Variants in IQSEC1 observed in about 807,000 individuals in gnomAD.
IQSEC1 encodes IQ motif and SEC7 domain-containing protein 1.
IQSEC1 carries 31 observed loss-of-function variants against 91.0 expected under a neutral mutation model. That is an observed-to-expected ratio of 0.34 (90% CI 0.26 to 0.46). The LOEUF is 0.46. Ranked by LOEUF, IQSEC1 falls within the 20% of genes least tolerant of loss-of-function variation. IQSEC1 has a pLI of 1.00. For missense variants in IQSEC1, 1,388 were observed against 1,575.6 expected (o/e 0.88, Z 2.02); for synonymous variants, 699 against 662.6 (o/e 1.05, Z -0.84).
rs373575240 is a variant in IQSEC1, at chr3:12,899,363, C to T, written c.*1620G>A. The stretch of plus-strand genomic sequence containing the variant: ...AAAGGGCCTCCGCCTGGGCAGGCGC[C>T]GGGGGGCAGTCCTCGGGTCCCATGG... On this transcript the variant is annotated 3_prime_UTR_variant, in exon 14 of 14. Transcript: ENST00000613206. 75 of 1,610,646 alleles carry T rather than the reference C, an allele frequency of 4.7e-5. 1 individual carries two copies. Among genetic ancestry groups the T allele is most frequent in the East Asian group, 3.8e-4 (17 of 44,852 alleles).
chr3:12,970,714 C>T lies in IQSEC1; in HGVS notation c.24-28849G>A, dbSNP rs544922688. Among the ~76,000 whole-genome samples, 2 of 152,354 alleles carry T rather than the reference C, an allele frequency of 1.3e-5. No individual in the cohort carries two copies. The highest frequency in any genetic ancestry group is 2.4e-5 in the African/African-American group (1 of 41,582). On this transcript the variant is annotated intron_variant, in intron 1 of 13. Coordinates refer to ENST00000613206, the MANE Select transcript of IQSEC1 (RefSeq NM_001134382.3). This position sits in a 1 kb window ranked among gnomAD's most constrained non-coding sequence, Gnocchi z 4.4. ...CACACTCCCCACTGTGCCTGGCTCA[C>T]AGCTAGGACCTTGGTTTTCAGCTTC...
intron 1 of IQSEC1, among the ~76,000 whole-genome samples, chr3:13,257,089 G>C (rs1695301808): frequency 6.6e-6 from 1 of 152,176 alleles, no homozygotes; most frequent in Non-Finnish European, 1.5e-5. Flanking sequence ...GAGGCAGCGA[G>C]TATAAACTGC....
At chr3:13,025,332 G>C (rs540571766) in intron 1 of IQSEC1, among the ~76,000 whole-genome samples, 5 of 152,382 alleles carry the variant, frequency 3.3e-5, no homozygotes, top group African/African-American at 1.2e-4. Flanking sequence ...TGGGGATGAA[G>C]TCACTGCCGC....
At position 13,193,218 on chromosome 3, in the gene IQSEC1, C is replaced by T. The variant is rs1227312526; in HGVS notation, c.273-29085G>A. Among the ~76,000 whole-genome samples, 2 of 152,234 alleles carry T rather than the reference C, an allele frequency of 1.3e-5. No homozygotes were observed. The highest frequency in any genetic ancestry group is 1.9e-4 in the East Asian group (1 of 5,198). On this transcript the variant is annotated intron_variant, in intron 1 of 15. Coordinates refer to the IQSEC1 transcript ENST00000648114. This position sits in a 1 kb window ranked among gnomAD's most constrained non-coding sequence, Gnocchi z 4.2. ...TCTCATGGGCATCTCTGCTCCCTGTCGCCCACCAGCTCCCTCTCTGCCTGT... is the reference window on the plus strand; with the variant it reads ...TCTCATGGGCATCTCTGCTCCCTGTTGCCCACCAGCTCCCTCTCTGCCTGT...
intron 2 of IQSEC1, among the ~76,000 whole-genome samples, chr3:13,099,407 A>C (rs187488268): frequency 2.6e-5 from 4 of 152,276 alleles, no homozygotes; most frequent in Admixed American, 2.6e-4. Flanking sequence ...TGGTAGGAAA[A>C]ATGGTTTTTA....
At position 12,935,583 on chromosome 3, in the gene IQSEC1, C is replaced by T. The variant is rs375728760; in HGVS notation, c.1433G>A (p.Arg478His). ...TINCSSESSS[R>H]DSLREQTLSK... ...GAGCGTCTGCTCCCGCAGGCTGTCA[C>T]GGGACGATGACTCGGAGCTGCAGTT... The change falls in exon 3 of 14, where the codon CGT becomes CAT. Residue 478 changes from arginine to histidine, a missense_variant. Coordinates refer to ENST00000613206, the MANE Select transcript of IQSEC1 (RefSeq NM_001134382.3). The surrounding 1 kb of genome is among the most constrained non-coding windows in gnomAD (Gnocchi z 8.0). 61 of 1,614,112 alleles carry T rather than the reference C, an allele frequency of 3.8e-5. No individual in the cohort carries two copies. In the African/African-American group the frequency reaches 4.0e-4, roughly 11 times the overall value.
chr3:13,245,216 G>A (rs900991250), intron 1 of IQSEC1, among the ~76,000 whole-genome samples: 2 of 152,134 alleles, frequency 1.3e-5, no homozygotes, highest in Non-Finnish European at 2.9e-5. Flanking sequence ...ATGAAGCCAC[G>A]AAGCCACGGT....
intron 1 of IQSEC1, among the ~76,000 whole-genome samples, chr3:13,036,747 C>T (rs1246878973): frequency 6.6e-6 from 1 of 152,236 alleles, no homozygotes; most frequent in Non-Finnish European, 1.5e-5. Flanking sequence ...GTTTGGGGAG[C>T]TTGTCCCAAA....
rs866696210 is a variant in IQSEC1 at position 13,234,280 on chromosome 3, G to A, written c.272+48431C>T. ...TCTGTGCCTGTGGGTGTGAGTCCCC[G>A]TGTCTGTGCCTGTGGGTGTGAGTCC... On this transcript the variant is annotated intron_variant, in intron 1 of 15. Coordinates refer to the IQSEC1 transcript ENST00000648114. 5.7e-4 allele frequency among the ~76,000 whole-genome samples: 85 copies of A among 148,388 alleles called. 1 individual carries two copies. Among genetic ancestry groups the A allele is most frequent in the African/African-American group, 2.1e-3 (84 of 40,192 alleles).
intron 1 of IQSEC1, among the ~76,000 whole-genome samples, chr3:13,006,869 T>C (rs1468460645): frequency 6.6e-6 from 1 of 152,222 alleles, no homozygotes; most frequent in Non-Finnish European, 1.5e-5. Context: ...CTTTGGCAGA[T>C]GCCTGGGGTC....
At chr3:13,151,746 A>G (rs1707004556) in intron 2 of IQSEC1, among the ~76,000 whole-genome samples, 1 of 152,212 alleles carries the variant, frequency 6.6e-6, no homozygotes, top group African/African-American at 2.4e-5. Flanking sequence ...CGGGAGGATC[A>G]CCTGAGGTCA....
chr3:13,143,980 C>T (rs914876873), intron 2 of IQSEC1, among the ~76,000 whole-genome samples: 1 of 152,166 alleles, frequency 6.6e-6, no homozygotes. Context: ...AAAGGGAGAG[C>T]CCTGCAGCTG....
intron 1 of IQSEC1, among the ~76,000 whole-genome samples, chr3:13,070,964 T>C (rs1000775402): frequency 1.3e-5 from 2 of 152,060 alleles, no homozygotes; most frequent in Non-Finnish European, 2.9e-5. Flanking sequence ...ATATAGAACA[T>C]TGTCCCTGCA....
chr3:13,190,937 T>C (rs941970976), intron 1 of IQSEC1, among the ~76,000 whole-genome samples: 1 of 152,104 alleles, frequency 6.6e-6, no homozygotes, highest in Non-Finnish European at 1.5e-5. Context: ...CAGCCCCTTC[T>C]CTACTGTACC....
At chr3:12,901,638 C>T (rs2124986510) in intron 13 of IQSEC1, 116 bp from the exon 14 acceptor site, 1 of 875,878 alleles carries the variant, frequency 1.1e-6, no homozygotes, top group East Asian at 2.6e-5. Flanking sequence ...TTTAGTTCAA[C>T]TCACTGGCCA....
intron 1 of IQSEC1, among the ~76,000 whole-genome samples, chr3:13,012,528 C>T (rs942697567): frequency 3.2e-4 from 48 of 152,336 alleles, no homozygotes; most frequent in Middle Eastern, 3.4e-3. Flanking sequence ...AAGACAGAAA[C>T]GATGTGTTGC....
chr3:12,929,743 A>C (rs972199357), intron 3 of IQSEC1, among the ~76,000 whole-genome samples: 3 of 152,170 alleles, frequency 2.0e-5, no homozygotes, highest in African/African-American at 4.8e-5. Flanking sequence ...CAGCATTAAC[A>C]GGTGCTGCCT....
chr3:13,015,496 G>T (rs1703081652), intron 1 of IQSEC1: 2 of 907,224 alleles, frequency 2.2e-6, no homozygotes, highest in Non-Finnish European at 1.3e-6. Context: ...ACCACGGCAG[G>T]CTGCCCTGAC....
intron 2 of IQSEC1, among the ~76,000 whole-genome samples, chr3:13,104,138 G>T (rs780031184): frequency 6.6e-6 from 1 of 152,104 alleles, no homozygotes; most frequent in African/African-American, 2.4e-5. Flanking sequence ...TGTCAGCTCC[G>T]ATGGGCAAGG....
Sources: allele counts gnomAD v4.1 joint callset (sites outside exome capture counted in the v4.1 genomes callset), GRCh38; gene constraint gnomAD v4.1.1; non-coding constraint Gnocchi (gnomAD v3.1); transcripts MANE v1.5; gene names NCBI Gene and HGNC (gene_info 2026-07-23, HGNC 2026-07-21).